Variants in ANKFN1 observed in about 807,000 individuals in gnomAD.
The protein encoded by ANKFN1 is ankyrin repeat and fibronectin type III domain containing 1.
ANKFN1 carries 74 observed loss-of-function variants against 108.7 expected under a neutral mutation model. The observed-to-expected ratio is 0.68, with a 90% CI of 0.56 to 0.83. The LOEUF is 0.83. ANKFN1 is among the 40% of genes least tolerant of loss of function. The pLI, the probability that ANKFN1 is intolerant of heterozygous loss-of-function variation, is 0.00. For missense variants in ANKFN1, 1,505 were observed against 1,382.3 expected (o/e 1.09, Z -1.41); for synonymous variants, 547 against 516.2 (o/e 1.06, Z -0.81).
chr17:56,103,518 G>T (rs1567787332), intron 4 of ANKFN1, among the ~76,000 whole-genome samples: 1 of 152,230 alleles, frequency 6.6e-6, no homozygotes, highest in Non-Finnish European at 1.5e-5. Context: ...GGGGCTTGCA[G>T]AGGGTTGGGC....
intron 4 of ANKFN1, among the ~76,000 whole-genome samples, chr17:56,110,596 A>G (rs894656154): frequency 6.6e-6 from 1 of 152,162 alleles, no homozygotes; most frequent in Non-Finnish European, 1.5e-5. Context: ...GATTGAATGA[A>G]TGAATGAACA....
rs17213272 is a variant in ANKFN1, at chr17:56,377,862, T to C, written c.910+3148T>C. 1.3e-4 allele frequency among the ~76,000 whole-genome samples: 20 copies of C among 152,262 alleles called. No homozygotes were observed. The East Asian group carries it at 3.5e-3, about 26-fold the overall frequency. On this transcript the variant is annotated intron_variant, in intron 8 of 20. Transcript: ENST00000682825. Reference sequence around the variant, plus strand: ...ATTTTCGAGTTTGTGTTTTTTTTCTTAATTGGGCCTCGAAGTGGCCACACC... The same window carrying C: ...ATTTTCGAGTTTGTGTTTTTTTTCTCAATTGGGCCTCGAAGTGGCCACACC...
intron 1 of ANKFN1, among the ~76,000 whole-genome samples, chr17:56,196,513 C>T (rs72831991): frequency 0.048 from 7,340 of 152,028 alleles, 202 homozygotes; most frequent in Middle Eastern, 0.085. Flanking sequence ...GCAGGAAGAT[C>T]GCATGAAGCC....
At position 56,340,122 on chromosome 17, in the gene ANKFN1, G is replaced by C. The variant is rs117116172; in HGVS notation, c.189-10644G>C. ...GTCTTCTTTTGAAGAAAAAGTGTCT[G>C]TTCATGTCCTTTGCCCACTTTTTGA... is the stretch of plus-strand genomic sequence containing the variant. On this transcript the variant is annotated intron_variant, in intron 4 of 20. Transcript: ENST00000682825. Among the ~76,000 whole-genome samples the C allele has an allele frequency of 7.8e-3, 1,189 of 152,240 alleles. 7 individuals carry two copies. The highest frequency in any genetic ancestry group is 0.012 in the Non-Finnish European group (787 of 67,988).
At chr17:56,117,723 C>T (rs1353137981) in intron 4 of ANKFN1, among the ~76,000 whole-genome samples, 1 of 152,078 alleles carries the variant, frequency 6.6e-6, no homozygotes, top group African/African-American at 2.4e-5. Flanking sequence ...TGTAAGGTTT[C>T]TTTTAAGCTA....
intron 1 of ANKFN1, among the ~76,000 whole-genome samples, chr17:56,167,318 C>CACATATATATAT (rs1461054331): frequency 7.5e-6 from 1 of 133,250 alleles, no homozygotes; most frequent in African/African-American, 2.8e-5. Context: ...CACACACACA[C>CACATATATATAT]ATATATATAT....
intron 4 of ANKFN1, among the ~76,000 whole-genome samples, chr17:56,062,769 A>C (rs1904997302): frequency 6.6e-6 from 1 of 152,148 alleles, no homozygotes; most frequent in Non-Finnish European, 1.5e-5. Context: ...TCCTGTCATC[A>C]TGATGCTATC....
intron 4 of ANKFN1, among the ~76,000 whole-genome samples, chr17:56,133,533 TG>T (rs1907411534): frequency 4.2e-5 from 1 of 23,972 alleles, no homozygotes; most frequent in Non-Finnish European, 7.5e-5. Flanking sequence ...TATACCTGTG[TG>T]TGTGTGTGTG....
intron 8 of ANKFN1, among the ~76,000 whole-genome samples, chr17:56,429,341 T>A (rs987243473): frequency 3.3e-5 from 5 of 152,238 alleles, no homozygotes; most frequent in African/African-American, 1.2e-4. Flanking sequence ...CAGATCATGA[T>A]GCCTTGTAGG....
chr17:56,428,548 C>T (rs1161098134), intron 8 of ANKFN1, among the ~76,000 whole-genome samples: 1 of 151,256 alleles, frequency 6.6e-6, no homozygotes, highest in Non-Finnish European at 1.5e-5. Context: ...CTGCAACCTC[C>T]GCCTCCCGGG....
intron 3 of ANKFN1, among the ~76,000 whole-genome samples, chr17:56,299,655 C>T (rs2044617487): frequency 6.6e-6 from 1 of 152,122 alleles, no homozygotes; most frequent in Admixed American, 6.5e-5. Flanking sequence ...TATCAAATTC[C>T]TCTATGTCTC....
chr17:56,118,467 C>T (rs1400045971), intron 4 of ANKFN1, among the ~76,000 whole-genome samples: 1 of 152,116 alleles, frequency 6.6e-6, no homozygotes, highest in Non-Finnish European at 1.5e-5. Context: ...ACACTTATAT[C>T]TTAGAATCTG....
intron 10 of ANKFN1, among the ~76,000 whole-genome samples, chr17:56,448,037 C>T (rs1411838237): frequency 1.3e-5 from 2 of 152,072 alleles, no homozygotes; most frequent in Non-Finnish European, 2.9e-5. Flanking sequence ...AAAGAGACCC[C>T]GTATTTTAAA....
chr17:56,391,263 G>A (rs909669534), intron 8 of ANKFN1, among the ~76,000 whole-genome samples: 19 of 137,666 alleles, frequency 1.4e-4, no homozygotes, highest in Admixed American at 1.2e-3. Flanking sequence ...GTGTGTGTGT[G>A]TGTGTACATA....
chr17:56,305,024 G>T (rs1567899499), intron 3 of ANKFN1, among the ~76,000 whole-genome samples: 3 of 152,158 alleles, frequency 2.0e-5, no homozygotes, highest in Non-Finnish European at 4.4e-5. Flanking sequence ...ATTTATAAAA[G>T]AAAGAAGTTT....
chr17:56,169,818 A>T (rs1201164519), intron 1 of ANKFN1, among the ~76,000 whole-genome samples: 1 of 152,206 alleles, frequency 6.6e-6, no homozygotes, highest in African/African-American at 2.4e-5. Flanking sequence ...AGCCTCAGTG[A>T]CAAACCCTAA....
At chr17:56,128,889 G>A (rs946525405) in intron 4 of ANKFN1, among the ~76,000 whole-genome samples, 7 of 152,174 alleles carry the variant, frequency 4.6e-5, no homozygotes, top group African/African-American at 1.7e-4. Flanking sequence ...ATTTAAGGCA[G>A]AACTATTGGT....
At chr17:56,240,114 A>G (rs985627915) in intron 3 of ANKFN1, among the ~76,000 whole-genome samples, 6 of 152,140 alleles carry the variant, frequency 3.9e-5, no homozygotes, top group African/African-American at 1.2e-4. Flanking sequence ...TATAGATTTT[A>G]AAGAAATAAA....
At position 56,510,889 on chromosome 17, in the gene ANKFN1, C is replaced by T; in HGVS notation, c.3061C>T (p.His1021Tyr). 2 of 1,536,182 alleles carry T rather than the reference C, an allele frequency of 1.3e-6. No homozygotes were observed. The highest frequency in any genetic ancestry group is 2.4e-5 in the South Asian group (2 of 84,066). ...FSRHHRWLRIHSETQSLSLSE... is the reference protein window; with the variant it reads ...FSRHHRWLRIYSETQSLSLSE... ...CCGCCATCATCGCTGGTTGCGCATC[C>T]ACAGCGAGACCCAGTCGCTATCGCT... The change falls in exon 21 of 21, where the codon CAC (histidine) becomes TAC (tyrosine). Residue 1021 changes from histidine to tyrosine, a missense_variant. Transcript: ENST00000682825.
Sources: gnomAD v4.1 joint callset for allele counts (sites outside exome capture counted in the v4.1 genomes callset) on GRCh38, gnomAD v4.1.1 for gene constraint, MANE v1.5 for transcripts, NCBI Gene and HGNC (gene_info 2026-07-23, HGNC 2026-07-21) for gene names.